The following TDRD1 variants were observed in gnomAD, a reference collection of about 807,000 sequenced individuals.
TDRD1 encodes the protein tudor domain-containing protein 1.
In TDRD1, 37 loss-of-function variants were observed where a neutral mutation model predicts 140.6. That is an observed-to-expected ratio of 0.26 (90% CI 0.20 to 0.35). TDRD1 has a LOEUF of 0.35. Ranked by LOEUF, TDRD1 falls within the 10% of genes least tolerant of loss-of-function variation. The pLI, the probability that TDRD1 is intolerant of heterozygous loss-of-function variation, is 1.00. For synonymous variants in TDRD1, 506 were observed against 475.7 expected, an observed-to-expected ratio of 1.06 and a Z score of -0.83; for missense variants, 1,243 against 1,393.0, an observed-to-expected ratio of 0.89 and a Z score of 1.71.
rs554537695 is a variant in TDRD1 at position 114,218,355 on chromosome 10, T to C, written c.2324-59T>C. 44 of 1,227,684 alleles carry C rather than the reference T, an allele frequency of 3.6e-5. No homozygotes were observed. In the South Asian group the frequency reaches 9.8e-4, roughly 27 times the overall value. The allele number at this position is 1,227,684 out of a possible 1,614,324, so 76.0% of individuals were successfully genotyped here. On this transcript the variant is annotated intron_variant, in intron 17 of 25. Transcript: ENST00000251864. ...AAAGGGTGGCTTTTTTCAAGATAAG[T>C]ATTTCAAGTGTCGATAGAAAGGAAA...
chr10:114,231,478 T>C (rs771673744), intron 25 of TDRD1: 7 of 1,598,732 alleles, frequency 4.4e-6, no homozygotes, highest in Non-Finnish European at 6.0e-6. Flanking sequence ...ATTTTTTTTC[T>C]TTTTCAGAAA....
chr10:114,231,751 T>G (rs933245191), exon 26 of TDRD1: 1 of 493,646 alleles, frequency 2.0e-6, no homozygotes, highest in Non-Finnish European at 3.5e-6. Context: ...TGGCAAGGAA[T>G]ACATAGGGAC....
At chr10:114,183,884 C>T (rs1419408328) in intron 1 of TDRD1, among the ~76,000 whole-genome samples, 1 of 151,928 alleles carries the variant, frequency 6.6e-6, no homozygotes, top group African/African-American at 2.4e-5. Flanking sequence ...GCTGAGATTA[C>T]ACGTGTGAGC....
At chr10:114,183,049 A>G (rs1157363987) in intron 1 of TDRD1, among the ~76,000 whole-genome samples, 1 of 152,208 alleles carries the variant, frequency 6.6e-6, no homozygotes, top group African/African-American at 2.4e-5. Flanking sequence ...GCAGGAAGTC[A>G]AAGGTATTTT....
At chr10:114,202,258 AATC>A (rs2034799171) in exon 6 of TDRD1, 1 of 1,603,650 alleles carries the variant, frequency 6.2e-7, no homozygotes, top group Non-Finnish European at 8.5e-7. Context: ...CTTGAAAATA[AATC>A]ATCTATTGAA....
In TDRD1 at chr10:114,204,903, G is replaced by A. The variant is rs1261215986; in HGVS notation, c.1297+10G>A. On this transcript the variant is annotated intron_variant, in intron 10 of 25. Transcript: ENST00000251864. ...GAGCTGCCAAATTCAGGTAAGATCT[G>A]TCTTTTTAAATTGAGTACTTAATAG... 6.4e-7 allele frequency: 1 copy of A among 1,565,250 alleles called. No homozygotes were observed. The highest frequency in any genetic ancestry group is 1.4e-5 in the African/African-American group (1 of 72,250).
intron 14 of TDRD1, among the ~76,000 whole-genome samples, chr10:114,213,075 T>G (rs950509309): frequency 6.6e-6 from 1 of 152,084 alleles, no homozygotes; most frequent in African/African-American, 2.4e-5. Context: ...TTGCTTTTTC[T>G]TTTTTTTCTT....
intron 1 of TDRD1, among the ~76,000 whole-genome samples, chr10:114,181,122 A>G (rs2033024284): frequency 2.6e-5 from 4 of 152,220 alleles, no homozygotes; most frequent in Admixed American, 2.0e-4. Flanking sequence ...AACTATAGAA[A>G]TGAGTCACTT....
At chr10:114,183,927 C>CG (rs2033305834) in intron 1 of TDRD1, among the ~76,000 whole-genome samples, 1 of 151,820 alleles carries the variant, frequency 6.6e-6, no homozygotes, top group South Asian at 2.1e-4. Flanking sequence ...CTATTTTGAA[C>CG]GGGACATTTT....
chr10:114,203,945 G>C (rs2034933826), intron 8 of TDRD1, 128 bp from the exon 9 acceptor site: 4 of 1,089,490 alleles, frequency 3.7e-6, no homozygotes, highest in South Asian at 3.0e-5. Context: ...AATTAAGTTG[G>C]CTTATTAATT....
intron 3 of TDRD1, among the ~76,000 whole-genome samples, chr10:114,192,292 CTTTTTTT>C (rs938140798): frequency 0.081 from 6,040 of 74,912 alleles, 320 homozygotes; most frequent in Non-Finnish European, 0.1. Context: ...GATAGTTTTC[CTTTTTTT>C]TTTTTTTTTT....
chr10:114,213,230 C>T (rs1038309708), intron 14 of TDRD1, 116 bp from the exon 15 acceptor site: 23 of 898,546 alleles, frequency 2.6e-5, no homozygotes, highest in Non-Finnish European at 3.5e-5. Context: ...TTAAGTGACA[C>T]GTTTCCGTTC....
rs752331755 is a variant in TDRD1 at position 114,220,605 on chromosome 10, C to T, written c.2532C>T (p.Ala844=). 3 of 1,613,112 alleles carry T rather than the reference C, an allele frequency of 1.9e-6. No homozygotes were observed. In the Admixed American group the frequency reaches 5.0e-5, roughly 27 times the overall value. The change falls in exon 19 of 26, where the codon GCC becomes GCT. Residue 844 remains alanine (A), a synonymous_variant. Transcript: ENST00000251864. ...GAAACAAACATTGGTCTGAAGAAGCCATAACAAGATTCCAGATGTGTGTTG... is the reference window on the plus strand; with the variant it reads ...GAAACAAACATTGGTCTGAAGAAGCTATAACAAGATTCCAGATGTGTGTTG...
chr10:114,180,485 G>A (rs2032953973), intron 1 of TDRD1, among the ~76,000 whole-genome samples: 1 of 152,188 alleles, frequency 6.6e-6, no homozygotes, highest in African/African-American at 2.4e-5. Flanking sequence ...TGTTCTTTGA[G>A]TAAGAGTTTC....
chr10:114,188,459 A>G (rs2033709247), intron 2 of TDRD1, among the ~76,000 whole-genome samples: 1 of 152,226 alleles, frequency 6.6e-6, no homozygotes, highest in East Asian at 1.9e-4. Context: ...ATTGACCCGT[A>G]TCTTAAAAAT....
At chr10:114,178,155 T>A (rs2032760233), upstream of TDRD1, among the ~76,000 whole-genome samples, 2 of 152,166 alleles carry the variant, frequency 1.3e-5, no homozygotes, top group Non-Finnish European at 2.9e-5. Context: ...CACTTTCATT[T>A]CACTATTCTG....
At chr10:114,214,877 A>G (rs1330031482) in intron 16 of TDRD1, among the ~76,000 whole-genome samples, 1 of 151,976 alleles carries the variant, frequency 6.6e-6, no homozygotes, top group Non-Finnish European at 1.5e-5. Context: ...AGCTGGGACT[A>G]TAGGCATGTG....
chr10:114,228,900 A>T (rs758693438), intron 25 of TDRD1: 23 of 394,010 alleles, frequency 5.8e-5, no homozygotes, highest in Non-Finnish European at 7.6e-5. Context: ...CCTGGCCAAG[A>T]TGGCGAAACA....
rs1487663192 is a variant in TDRD1 at position 114,202,407 on chromosome 10, G to GT, written c.696+112dup. 1.0e-5 allele frequency: 7 copies of GT among 698,510 alleles called. No individual in the cohort carries two copies. The African/African-American group carries it at 1.3e-4, about 13-fold the overall frequency. The allele number at this position is 698,510 out of a possible 1,614,324, so 43.3% of individuals were successfully genotyped here. On this transcript the variant is annotated intron_variant, in intron 6 of 25. Transcript: ENST00000251864. ...GTATTTTATCAATATTTAAAGGCAA[G>GT]TTTCCTATTATATAAATATGTACAC...
Sources: allele counts gnomAD v4.1 joint callset (sites outside exome capture counted in the v4.1 genomes callset), GRCh38; gene constraint gnomAD v4.1.1; transcripts MANE v1.5; gene names NCBI Gene and HGNC (gene_info 2026-07-23, HGNC 2026-07-21).